Variants in ASCC3 observed in about 807,000 individuals in gnomAD.
The protein encoded by ASCC3 is ASC-1 complex subunit P200.
Under a neutral mutation model 256.3 loss-of-function variants are expected in ASCC3, and 158 were observed. That is an observed-to-expected ratio of 0.62 (90% CI 0.54 to 0.70). The LOEUF is 0.70. Ranked by LOEUF, ASCC3 falls within the 30% of genes least tolerant of loss-of-function variation. The pLI, the probability that ASCC3 is intolerant of heterozygous loss-of-function variation, is 0.00. For synonymous variants in ASCC3, 948 were observed against 883.4 expected (o/e 1.07, Z -1.30); for missense variants, 2,259 against 2,626.0 (o/e 0.86, Z 3.05).
chr6:100,874,719 G>A (rs11758174), intron 1 of ASCC3, among the ~76,000 whole-genome samples: 52,697 of 151,780 alleles, frequency 0.35, 10,729 homozygotes, highest in Middle Eastern at 0.49. Flanking sequence ...AGTATGGTTG[G>A]GAAGAAAGAA....
intron 30 of ASCC3, among the ~76,000 whole-genome samples, chr6:100,623,657 T>C (rs1182255618): frequency 6.6e-6 from 1 of 152,154 alleles, no homozygotes; most frequent in Non-Finnish European, 1.5e-5. Flanking sequence ...GAGATCACAA[T>C]GCAACAATTA....
At chr6:100,783,489 G>A (rs1248673114) in intron 8 of ASCC3, among the ~76,000 whole-genome samples, 10 of 152,110 alleles carry the variant, frequency 6.6e-5, no homozygotes, top group Non-Finnish European at 1.3e-4. Flanking sequence ...TGTACTAAAC[G>A]CTGCCTACCA....
At chr6:100,613,211 A>G (rs1200122652) in intron 30 of ASCC3, among the ~76,000 whole-genome samples, 2 of 151,926 alleles carry the variant, frequency 1.3e-5, no homozygotes, top group Admixed American at 6.6e-5. Context: ...AATTGGGTAC[A>G]TTGTACCCAT....
rs748263378 is a variant in ASCC3 at position 100,512,951 on chromosome 6, G to A, written c.6076-33C>T. ...AAAAGAGAAAAGAAACAATAAAGGA[G>A]GAGTTTATGTGAAATGCAATGATCA... On this transcript the variant is annotated intron_variant, in intron 39 of 41. Coordinates refer to ENST00000369162, the MANE Select transcript of ASCC3 (RefSeq NM_006828.4). The A allele has an allele frequency of 2.5e-6, 4 of 1,578,498 alleles. No individual in the cohort carries two copies. The Admixed American group carries it at 5.1e-5, about 20-fold the overall frequency.
chr6:100,722,532 A>C (rs1263831540), intron 11 of ASCC3, among the ~76,000 whole-genome samples: 1 of 151,800 alleles, frequency 6.6e-6, no homozygotes, highest in African/African-American at 2.4e-5. Context: ...ATTCTACACC[A>C]GCCTAAAATC....
At chr6:100,525,323 A>T (rs1774526989) in intron 37 of ASCC3, among the ~76,000 whole-genome samples, 1 of 151,906 alleles carries the variant, frequency 6.6e-6, no homozygotes, top group African/African-American at 2.4e-5. Flanking sequence ...TTATGCCAAA[A>T]TGAGAAAAAT....
In ASCC3 at chr6:100,725,532, C is replaced by G. The variant is rs561063638; in HGVS notation, c.1902+7G>C. 2.5e-6 allele frequency: 4 copies of G among 1,611,856 alleles called. No homozygotes were observed. The South Asian group carries it at 4.4e-5, about 18-fold the overall frequency. On this transcript the variant is annotated splice_region_variant and intron_variant, in intron 11 of 41. Coordinates refer to ENST00000369162, the MANE Select transcript of ASCC3 (RefSeq NM_006828.4). Reference sequence around the variant, plus strand: ...TCAAAATAAGCTTATACATAACTTCCTCTTACCTGCCGTAAAGTACGGGCA... The same window carrying G: ...TCAAAATAAGCTTATACATAACTTCGTCTTACCTGCCGTAAAGTACGGGCA...
intron 8 of ASCC3, among the ~76,000 whole-genome samples, chr6:100,797,304 G>C (rs1246876960): frequency 6.6e-6 from 1 of 151,688 alleles, no homozygotes; most frequent in Non-Finnish European, 1.5e-5. Context: ...ACAAAAATTA[G>C]CTGGGCACAG....
intron 8 of ASCC3, among the ~76,000 whole-genome samples, chr6:100,781,997 T>C (rs968157178): frequency 8.5e-5 from 13 of 152,102 alleles, no homozygotes; most frequent in South Asian, 2.1e-4. Context: ...TAAAATATCA[T>C]CCTTCTAGGT....
intron 4 of ASCC3, among the ~76,000 whole-genome samples, chr6:100,828,265 T>TA (rs908487065): frequency 2.6e-5 from 4 of 152,138 alleles, no homozygotes; most frequent in Middle Eastern, 3.4e-3. Context: ...GAAATGGGGA[T>TA]AAAAAAAGTA....
intron 4 of ASCC3, among the ~76,000 whole-genome samples, chr6:100,823,146 A>G (rs1771134976): frequency 1.3e-5 from 2 of 152,172 alleles, no homozygotes; most frequent in Non-Finnish European, 2.9e-5. Context: ...CATTAGATTT[A>G]AAGAAATCCC....
intron 4 of ASCC3, among the ~76,000 whole-genome samples, chr6:100,818,748 CAAAA>C (rs56668191): frequency 0.055 from 3,237 of 58,352 alleles, 22 homozygotes; most frequent in Middle Eastern, 0.081. Flanking sequence ...AGGCAAAAGC[CAAAA>C]AAAAAAAAAA....
chr6:100,538,223 G>C (rs941820995), intron 37 of ASCC3, among the ~76,000 whole-genome samples: 1 of 152,136 alleles, frequency 6.6e-6, no homozygotes, highest in African/African-American at 2.4e-5. Context: ...TTAAGTGTTT[G>C]AGAGAGGAAA....
At chr6:100,535,467 T>G (rs917565193) in intron 37 of ASCC3, among the ~76,000 whole-genome samples, 27 of 43,350 alleles carry the variant, frequency 6.2e-4, no homozygotes, top group African/African-American at 1.8e-3. Context: ...GGTTTTCGTG[T>G]TTTTTTTTTT....
At chr6:100,638,927 A>C in intron 24 of ASCC3, 106 bp from the exon 25 acceptor site, 1 of 1,005,152 alleles carries the variant, frequency 9.9e-7, no homozygotes, top group South Asian at 1.3e-5. Context: ...TCCTTAGACA[A>C]GGAGAAAAAA....
At chr6:100,783,156 C>G (rs1296028968) in intron 8 of ASCC3, among the ~76,000 whole-genome samples, 1 of 152,000 alleles carries the variant, frequency 6.6e-6, no homozygotes, top group East Asian at 1.9e-4. Flanking sequence ...TGAATTCTAC[C>G]CTTTAGAAAC....
At chr6:100,540,797 G>T (rs924927132) in intron 36 of ASCC3, among the ~76,000 whole-genome samples, 2 of 152,134 alleles carry the variant, frequency 1.3e-5, no homozygotes, top group African/African-American at 4.8e-5. Context: ...TTTAGAGGGT[G>T]AGGGAAAGCT....
In ASCC3 at chr6:100,589,760, G is replaced by T. The variant is rs1463254363; in HGVS notation, c.5424C>A (p.Arg1808=). Reference sequence around the variant, plus strand: ...GGCCATAAGTTAGAGGTTCAATGCTGCGATTATCCTATTTCAAAAGAATAA... The same window carrying T: ...GGCCATAAGTTAGAGGTTCAATGCTTCGATTATCCTATTTCAAAAGAATAA... ...SYCIEIGEDN[R]SIEPLTYGRI... Residue 1808 remains arginine (R), a synonymous_variant, in exon 36 of 42, where the codon CGC becomes CGA. Coordinates refer to ENST00000369162, the MANE Select transcript of ASCC3 (RefSeq NM_006828.4). The T allele has an allele frequency of 1.2e-6, 2 of 1,613,604 alleles. No homozygotes were observed. The highest frequency in any genetic ancestry group is 2.7e-5 in the African/African-American group (2 of 75,004).
chr6:100,564,028 A>G (rs1770095876), intron 36 of ASCC3, among the ~76,000 whole-genome samples: 1 of 151,916 alleles, frequency 6.6e-6, no homozygotes, highest in Non-Finnish European at 1.5e-5. Context: ...TTGACGCCAA[A>G]GCCCATCTTC....
Sources: gnomAD v4.1 joint callset for allele counts (sites outside exome capture counted in the v4.1 genomes callset) on GRCh38, gnomAD v4.1.1 for gene constraint, MANE v1.5 for transcripts, NCBI Gene and HGNC (gene_info 2026-07-23, HGNC 2026-07-21) for gene names.